Variants in AKAP6 observed in about 807,000 individuals in gnomAD.
AKAP6 encodes A-kinase anchor protein 6.
A neutral mutation model predicts 188.5 loss-of-function variants in AKAP6; 58 were observed. That is an observed-to-expected ratio of 0.31 (90% CI 0.25 to 0.38). The LOEUF is 0.38. Among genes scored for constraint, AKAP6 ranks in the 10% least tolerant of loss-of-function variants. AKAP6 has a pLI of 1.00. For synonymous variants in AKAP6, 989 were observed against 998.6 expected (o/e 0.99, Z 0.18); for missense variants, 2,710 against 2,740.0 (o/e 0.99, Z 0.24).
At chr14:32,746,729 C>A (rs955782088) in intron 11 of AKAP6, among the ~76,000 whole-genome samples, 1 of 152,092 alleles carries the variant, frequency 6.6e-6, no homozygotes, top group African/African-American at 2.4e-5. Flanking sequence ...AGTGATAGAG[C>A]CAATAGTCAC....
At chr14:32,519,065 C>T (rs1881678503) in intron 2 of AKAP6, among the ~76,000 whole-genome samples, 2 of 152,208 alleles carry the variant, frequency 1.3e-5, no homozygotes, top group Non-Finnish European at 2.9e-5. Flanking sequence ...AAAGAATTTT[C>T]AACCCAGAAT....
At chr14:32,424,295 T>G (rs1889956597) in intron 1 of AKAP6, among the ~76,000 whole-genome samples, 1 of 152,048 alleles carries the variant, frequency 6.6e-6, no homozygotes, top group South Asian at 2.1e-4. Flanking sequence ...GGCAGCAACT[T>G]ACCTTGTAGC....
intron 7 of AKAP6, among the ~76,000 whole-genome samples, chr14:32,604,331 A>G (rs988466766): frequency 6.6e-6 from 1 of 152,020 alleles, no homozygotes; most frequent in East Asian, 1.9e-4. Context: ...AGCCAGCAAA[A>G]CCCCAGGCCT....
At chr14:32,702,948 C>T (rs943708848) in intron 9 of AKAP6, among the ~76,000 whole-genome samples, 2 of 152,154 alleles carry the variant, frequency 1.3e-5, no homozygotes, top group African/African-American at 4.8e-5. Context: ...ACATGTTTTC[C>T]TCAGCACTTC....
chr14:32,345,751 G>A (rs1887045427), intron 1 of AKAP6, among the ~76,000 whole-genome samples: 1 of 152,134 alleles, frequency 6.6e-6, no homozygotes, highest in Non-Finnish European at 1.5e-5. Flanking sequence ...GAAAAGCTGG[G>A]GAGGGGTGAG....
intron 7 of AKAP6, among the ~76,000 whole-genome samples, chr14:32,638,896 G>A (rs963226966): frequency 6.6e-6 from 1 of 151,624 alleles, no homozygotes; most frequent in Admixed American, 6.6e-5. Context: ...CTAAAATGAG[G>A]GAATGAATGA....
intron 4 of AKAP6, among the ~76,000 whole-genome samples, chr14:32,571,827 G>A (rs1884502292): frequency 6.6e-6 from 1 of 152,184 alleles, no homozygotes. Context: ...AAGCCCATCT[G>A]TAATTGAGCA....
intron 10 of AKAP6, 39 bp from the exon 11 acceptor site, chr14:32,735,619 T>A: frequency 2.1e-6 from 3 of 1,434,840 alleles, no homozygotes; most frequent in Non-Finnish European, 2.8e-6. Flanking sequence ...TTTTTTTGTT[T>A]GTTTGTTTTA....
intron 5 of AKAP6, among the ~76,000 whole-genome samples, chr14:32,587,681 T>G (rs1885311049): frequency 6.6e-6 from 1 of 152,210 alleles, no homozygotes; most frequent in Non-Finnish European, 1.5e-5. Context: ...GCTCACTCTT[T>G]TCTAGTCAGA....
At chr14:32,590,048 T>A (rs1343365137) in intron 5 of AKAP6, among the ~76,000 whole-genome samples, 1 of 152,216 alleles carries the variant, frequency 6.6e-6, no homozygotes, top group East Asian at 1.9e-4. Context: ...AAATTCTAGA[T>A]CTTTACATTA....
At chr14:32,478,775 T>C (rs1413409252) in intron 2 of AKAP6, among the ~76,000 whole-genome samples, 1 of 152,166 alleles carries the variant, frequency 6.6e-6, no homozygotes, top group Non-Finnish European at 1.5e-5. Context: ...GGATAGAGAC[T>C]GGCTGTGCAG....
chr14:32,497,469 T>C (rs1373333732), intron 2 of AKAP6, among the ~76,000 whole-genome samples: 1 of 152,164 alleles, frequency 6.6e-6, no homozygotes, highest in Non-Finnish European at 1.5e-5. Flanking sequence ...ACATACTTTT[T>C]ATAAGTTGAA....
intron 2 of AKAP6, among the ~76,000 whole-genome samples, chr14:32,518,023 A>G (rs1239827323): frequency 6.6e-6 from 1 of 152,166 alleles, no homozygotes; most frequent in African/African-American, 2.4e-5. Context: ...AGGCAGCAAC[A>G]TTTACCGTTC....
rs748996188 is a variant in AKAP6, at chr14:32,821,695, T to C, written c.3882T>C (p.Val1294=). The change falls in exon 13 of 14, where the codon GTT becomes GTC. Residue 1294 remains valine, a synonymous_variant. Transcript: ENST00000280979. ...ACCAGGTGTACAGCCTCCACAATGT[T>C]GAACTCTATGAGGACAACCACATGC... is the stretch of plus-strand genomic sequence containing the variant. ...HIYQVYSLHN[V]ELYEDNHMPF... 1.9e-6 allele frequency: 3 copies of C among 1,613,780 alleles called. No homozygotes were observed. The highest frequency in any genetic ancestry group is 3.3e-5 in the Admixed American group (2 of 59,872).
At chr14:32,368,910 G>T (rs1887923022) in intron 1 of AKAP6, among the ~76,000 whole-genome samples, 2 of 151,840 alleles carry the variant, frequency 1.3e-5, no homozygotes, top group African/African-American at 4.8e-5. Flanking sequence ...CTGAATAAAT[G>T]TGGACTTTAA....
rs2034844355 is a variant in AKAP6, at chr14:32,833,676, GT to G, written c.*3872del. 1 of 151,890 alleles carries G rather than the reference GT, an allele frequency of 6.6e-6. No homozygotes were observed. The highest frequency in any genetic ancestry group is 1.5e-5 in the Non-Finnish European group (1 of 67,974). 9.4% of individuals were successfully genotyped at this position (151,890 alleles called of 1,614,324 possible). On this transcript the variant is annotated 3_prime_UTR_variant, in exon 14 of 14. Coordinates refer to ENST00000280979, the MANE Select transcript of AKAP6 (RefSeq NM_004274.5). ...AATATCAATGAAATGATCCAGGTCT[GT>G]CTTACAAGTCAATTTGCTTTAGCTT...
intron 7 of AKAP6, among the ~76,000 whole-genome samples, chr14:32,651,416 T>C (rs2139531953): frequency 6.6e-6 from 1 of 152,334 alleles, no homozygotes; most frequent in South Asian, 2.1e-4. Flanking sequence ...TGTAGGGTTG[T>C]ATTCATTGTT....
At chr14:32,559,871 A>G (rs1883875846) in intron 4 of AKAP6, among the ~76,000 whole-genome samples, 1 of 150,162 alleles carries the variant, frequency 6.7e-6, no homozygotes, top group African/African-American at 2.5e-5. Flanking sequence ...GCCTAATCTT[A>G]AGGGTTATTG....
intron 8 of AKAP6, among the ~76,000 whole-genome samples, chr14:32,694,368 A>C (rs1890308997): frequency 7.0e-6 from 1 of 142,604 alleles, no homozygotes; most frequent in Non-Finnish European, 1.5e-5. Flanking sequence ...CTCAAAAAAA[A>C]AAACAAAAAA....
Sources: allele counts gnomAD v4.1 joint callset (sites outside exome capture counted in the v4.1 genomes callset), GRCh38; gene constraint gnomAD v4.1.1; transcripts MANE v1.5; gene names NCBI Gene and HGNC (gene_info 2026-07-23, HGNC 2026-07-21).